The following RANBP2 variants were observed in gnomAD, a reference collection of about 807,000 sequenced individuals.
RANBP2 encodes the protein RAN binding protein 2, also known as E3 SUMO-protein ligase RanBP2.
A neutral mutation model predicts 303.6 loss-of-function variants in RANBP2; 57 were observed. The ratio of observed to expected loss-of-function variants is 0.19; its 90% CI spans 0.15 to 0.23. The LOEUF (loss-of-function observed/expected upper bound fraction) is 0.23, where lower values mean the gene tolerates loss of function less well. Among genes scored for constraint, RANBP2 ranks in the 10% least tolerant of loss-of-function variants. The pLI, the probability that RANBP2 is intolerant of heterozygous loss-of-function variation, is 1.00. For missense variants in RANBP2, 3,138 were observed against 3,780.8 expected (o/e 0.83, Z 4.46); for synonymous variants, 1,167 against 1,301.5 (o/e 0.90, Z 2.23).
chr2:108,807,392 G>A, the RANBP2 span, among the ~76,000 whole-genome samples: 2 of 152,030 alleles, frequency 1.3e-5, no homozygotes, highest in Non-Finnish European at 2.9e-5. Context: ...ATTTTTAATT[G>A]ACATAATTAT....
the RANBP2 span, among the ~76,000 whole-genome samples, chr2:109,041,609 G>T: frequency 5.6e-5 from 8 of 142,850 alleles, no homozygotes; most frequent in Non-Finnish European, 9.0e-5. Context: ...TGCAACCTTT[G>T]CCTCTGGTTT....
chr2:109,262,199 T>C, the RANBP2 span, among the ~76,000 whole-genome samples: 2 of 152,330 alleles, frequency 1.3e-5, no homozygotes, highest in African/African-American at 4.8e-5. Context: ...AACAGTCTTA[T>C]TTAAAGAAGA....
chr2:108,906,221 C>T, the RANBP2 span: 1 of 1,420,486 alleles, frequency 7.0e-7, no homozygotes, highest in East Asian at 2.3e-5. Context: ...CCCTCAGTTC[C>T]CCTCACAGGA....
At position 108,763,918 on chromosome 2, in the gene RANBP2, C is replaced by T. The variant is rs1676929653; in HGVS notation, c.3379C>T (p.Arg1127Ter). 2 of 1,613,650 alleles carry T rather than the reference C, an allele frequency of 1.2e-6. No individual in the cohort carries two copies. The highest frequency in any genetic ancestry group is 1.7e-5 in the Admixed American group (1 of 59,968). ...TCAGCAAAAGAATTCTGGTTTTCGGCGAAGTGATGATATGTTTACTTTCCA... is the reference window on the plus strand; with the variant it reads ...TCAGCAAAAGAATTCTGGTTTTCGGTGAAGTGATGATATGTTTACTTTCCA... The part of the protein sequence containing the change: ...SSQQKNSGFR[R>*]SDDMFTFHGP... Residue 1127 changes from arginine to a stop codon, truncating the protein, a stop_gained, in exon 20 of 29, where the codon CGA (arginine) becomes TGA (stop). Coordinates refer to ENST00000283195, the MANE Select transcript of RANBP2 (RefSeq NM_006267.5). LOFTEE classifies it high-confidence loss of function.
At chr2:108,756,668 C>T (rs910694882) in intron 17 of RANBP2, among the ~76,000 whole-genome samples, 1 of 152,188 alleles carries the variant, frequency 6.6e-6, no homozygotes, top group Non-Finnish European at 1.5e-5. Flanking sequence ...GTGGAAGTAT[C>T]GTGGAGCACT....
At chr2:109,594,442 GTAGC>G in the RANBP2 span, among the ~76,000 whole-genome samples, 1 of 152,088 alleles carries the variant, frequency 6.6e-6, no homozygotes, top group Non-Finnish European at 1.5e-5. Context: ...TATATAAATG[GTAGC>G]TGTCTACTGC....
chr2:109,370,958 T>A, the RANBP2 span, among the ~76,000 whole-genome samples: 19,747 of 152,294 alleles, frequency 0.13, 1,433 homozygotes, highest in Middle Eastern at 0.24. Flanking sequence ...CTTTTCTACT[T>A]AGCTGAATTT....
At chr2:109,260,738 C>T in the RANBP2 span, among the ~76,000 whole-genome samples, 3 of 152,262 alleles carry the variant, frequency 2.0e-5, no homozygotes, top group South Asian at 4.1e-4. Context: ...TGTCCATGGG[C>T]AATCCAGGGA....
the RANBP2 span, among the ~76,000 whole-genome samples, chr2:108,990,437 C>CAAAAAA: frequency 1.1e-4 from 8 of 70,606 alleles, no homozygotes; most frequent in East Asian, 4.4e-4. Context: ...GACTCCGTCT[C>CAAAAAA]AAAAAAAAAA....
At chr2:109,584,856 A>C in the RANBP2 span, among the ~76,000 whole-genome samples, 1 of 152,206 alleles carries the variant, frequency 6.6e-6, no homozygotes, top group Non-Finnish European at 1.5e-5. Flanking sequence ...CTGAATTTGC[A>C]TGTCAGGAAA....
the RANBP2 span, among the ~76,000 whole-genome samples, chr2:109,331,028 C>T: frequency 0.84 from 127,830 of 152,190 alleles, 54,073 homozygotes; most frequent in African/African-American, 0.91. Flanking sequence ...TTTGGAGTTA[C>T]TGTAGTATCT....
At chr2:108,942,228 G>A in the RANBP2 span, among the ~76,000 whole-genome samples, 1 of 152,252 alleles carries the variant, frequency 6.6e-6, no homozygotes, top group Non-Finnish European at 1.5e-5. Context: ...AACACATGGA[G>A]TCAATGGCGG....
the RANBP2 span, among the ~76,000 whole-genome samples, chr2:109,204,015 G>A: frequency 3.9e-5 from 6 of 152,270 alleles, no homozygotes; most frequent in South Asian, 1.0e-3. Context: ...GTGAAAACCC[G>A]AGTAGTTTAT....
chr2:109,499,400 T>C, the RANBP2 span, among the ~76,000 whole-genome samples: 1,016 of 152,230 alleles, frequency 6.7e-3, 18 homozygotes, highest in African/African-American at 0.023. Flanking sequence ...CCACCACATG[T>C]GGGATCTGGG....
the RANBP2 span, among the ~76,000 whole-genome samples, chr2:109,481,098 C>G: frequency 6.6e-6 from 1 of 152,222 alleles, no homozygotes; most frequent in Non-Finnish European, 1.5e-5. Context: ...CAAAAAGAAT[C>G]TGACAGCTGT....
the RANBP2 span, chr2:109,545,702 G>C: frequency 2.7e-6 from 4 of 1,458,028 alleles, no homozygotes; most frequent in East Asian, 2.5e-5. Context: ...ACTCATGGTA[G>C]GTCAGCAGCC....
the RANBP2 span, among the ~76,000 whole-genome samples, chr2:109,477,343 G>C: frequency 6.6e-6 from 1 of 152,186 alleles, no homozygotes; most frequent in Non-Finnish European, 1.5e-5. Context: ...CATGAAAAAA[G>C]TGACAGGTAT....
intron 6 of RANBP2, among the ~76,000 whole-genome samples, chr2:108,739,220 G>T (rs2149151926): frequency 6.6e-6 from 1 of 151,970 alleles, no homozygotes; most frequent in South Asian, 2.1e-4. Flanking sequence ...AGCTAACAAT[G>T]GTGAAACCTT....
chr2:109,130,164 T>C, the RANBP2 span: 1 of 1,253,258 alleles, frequency 8.0e-7, no homozygotes, highest in South Asian at 3.1e-5. Flanking sequence ...AGTGTGTGGG[T>C]GGGTGCTTGG....
Sources: allele counts gnomAD v4.1 joint callset (sites outside exome capture counted in the v4.1 genomes callset), GRCh38; gene constraint gnomAD v4.1.1; transcripts MANE v1.5; gene names NCBI Gene and HGNC (gene_info 2026-07-23, HGNC 2026-07-21).